Variants in TENM1 observed in about 807,000 individuals in gnomAD.
TENM1 encodes the protein teneurin-1.
TENM1 carries 35 observed loss-of-function variants against 174.8 expected under a neutral mutation model. The ratio of observed to expected loss-of-function variants is 0.20; its 90% CI spans 0.15 to 0.27. The LOEUF is 0.27. Ranked by LOEUF, TENM1 falls within the 10% of genes least tolerant of loss-of-function variation. The pLI, the probability that TENM1 is intolerant of heterozygous loss-of-function variation, is 1.00. For synonymous variants in TENM1, 781 were observed against 798.7 expected (o/e 0.98, Z 0.37); for missense variants, 1,633 against 2,130.1 (o/e 0.77, Z 4.59).
At chrX:125,126,450 A>T in the TENM1 span, among the ~76,000 whole-genome samples, 1 of 111,182 alleles carries the variant, frequency 9.0e-6, no homozygotes, top group Admixed American at 9.7e-5. Flanking sequence ...GAGCCTTTGA[A>T]GCATTTTATA....
At chrX:125,128,394 G>C in the TENM1 span, among the ~76,000 whole-genome samples, 3 of 111,687 alleles carry the variant, frequency 2.7e-5, no homozygotes, top group African/African-American at 9.8e-5. Flanking sequence ...TACCGATTTA[G>C]ATTACTATGA....
At chrX:124,789,995 C>T (rs1192955153) in intron 3 of TENM1, among the ~76,000 whole-genome samples, 7 of 112,247 alleles carry the variant, frequency 6.2e-5, no homozygotes, top group East Asian at 2.8e-4. Flanking sequence ...ATTGGACTTA[C>T]AGTTCCACAT....
At chrX:124,455,985 G>A (rs2061100927) in intron 22 of TENM1, among the ~76,000 whole-genome samples, 1 of 111,582 alleles carries the variant, frequency 9.0e-6, no homozygotes, top group Non-Finnish European at 1.9e-5. Context: ...CCATCAGAGT[G>A]CAAAGTTTAG....
At chrX:125,191,826 G>A in the TENM1 span, among the ~76,000 whole-genome samples, 1 of 112,010 alleles carries the variant, frequency 8.9e-6, no homozygotes, top group South Asian at 3.7e-4. Flanking sequence ...TAAACTTAAT[G>A]CCCAATGCAA....
At chrX:124,426,853 G>C (rs189421760) in intron 23 of TENM1, among the ~76,000 whole-genome samples, 1 of 111,982 alleles carries the variant, frequency 8.9e-6, no homozygotes, top group Non-Finnish European at 1.9e-5. Context: ...AGCAGTTTGC[G>C]GTGATGTGTT....
intron 11 of TENM1, among the ~76,000 whole-genome samples, chrX:124,628,420 A>G (rs976303190): frequency 9.0e-6 from 1 of 111,632 alleles, no homozygotes; most frequent in African/African-American, 3.2e-5. Context: ...ATTAAAAAGT[A>G]AAACAAAATT....
intron 5 of TENM1, among the ~76,000 whole-genome samples, chrX:124,703,587 A>G (rs1280337664): frequency 8.9e-6 from 1 of 112,153 alleles, no homozygotes; most frequent in Non-Finnish European, 1.9e-5. Flanking sequence ...AAAATAACCC[A>G]TATAAAAGTT....
chrX:124,972,748 T>A, the TENM1 span, among the ~76,000 whole-genome samples: 1 of 112,173 alleles, frequency 8.9e-6, no homozygotes, highest in Non-Finnish European at 1.9e-5. Context: ...GTACTGAATA[T>A]GGGACTTCTT....
the TENM1 span, among the ~76,000 whole-genome samples, chrX:124,970,510 A>G: frequency 8.9e-6 from 1 of 112,363 alleles, no homozygotes; most frequent in Non-Finnish European, 1.9e-5. Flanking sequence ...TGTATTTAGG[A>G]AGCTCTTAAA....
At chrX:124,606,835 T>C (rs182169211) in intron 11 of TENM1, among the ~76,000 whole-genome samples, 1 of 111,716 alleles carries the variant, frequency 9.0e-6, no homozygotes, top group East Asian at 2.8e-4. Context: ...GGATAACATA[T>C]ATTCTCACAG....
chrX:124,590,092 A>G (rs1453414046), intron 11 of TENM1, among the ~76,000 whole-genome samples: 2 of 111,802 alleles, frequency 1.8e-5, no homozygotes, highest in African/African-American at 6.5e-5. Context: ...CATCTTAGAG[A>G]TTTGGGTATG....
chrX:124,525,875 G>T (rs1363322652), intron 16 of TENM1, among the ~76,000 whole-genome samples: 2 of 111,892 alleles, frequency 1.8e-5, no homozygotes, highest in Non-Finnish European at 3.8e-5. Context: ...GCATATAGTA[G>T]GAACTCAACA....
exon 18 of TENM1, chrX:124,520,676 T>C (rs761435088): frequency 1.7e-6 from 2 of 1,210,541 alleles, no homozygotes; most frequent in Non-Finnish European, 2.2e-6. Flanking sequence ...ACAGGAATCG[T>C]TGAATGTGTC....
the TENM1 span, among the ~76,000 whole-genome samples, chrX:125,052,477 A>C: frequency 9.0e-6 from 1 of 111,596 alleles, no homozygotes; most frequent in East Asian, 2.8e-4. Flanking sequence ...GACACTTTAC[A>C]CTGAGGAGAG....
intron 3 of TENM1, among the ~76,000 whole-genome samples, chrX:124,878,373 T>C (rs2057245117): frequency 9.0e-6 from 1 of 110,499 alleles, no homozygotes; most frequent in South Asian, 4.0e-4. Flanking sequence ...ACTGATCATA[T>C]AGTTTTGCAT....
chrX:124,726,141 T>G (rs1233255125), intron 4 of TENM1, among the ~76,000 whole-genome samples: 3 of 112,733 alleles, frequency 2.7e-5, no homozygotes, highest in African/African-American at 9.7e-5. Context: ...ATTTTTAGAT[T>G]CACATTTGCA....
At chrX:124,948,813 TA>T (rs1162451340) in intron 1 of TENM1, among the ~76,000 whole-genome samples, 1 of 112,298 alleles carries the variant, frequency 8.9e-6, no homozygotes, top group Non-Finnish European at 1.9e-5. Context: ...CTTGGCCTCC[TA>T]AAATGCTGGG....
chrX:124,564,993 T>C (rs2048909350), intron 12 of TENM1, among the ~76,000 whole-genome samples: 1 of 111,643 alleles, frequency 9.0e-6, no homozygotes, highest in African/African-American at 3.3e-5. Flanking sequence ...CTCTAAGTGC[T>C]TTCAACTGAA....
the TENM1 span, among the ~76,000 whole-genome samples, chrX:125,126,551 T>C: frequency 9.0e-6 from 1 of 111,002 alleles, no homozygotes; most frequent in African/African-American, 3.3e-5. Context: ...GGGGGAACAT[T>C]AATAGTGTTA....
Sources: gnomAD v4.1 joint callset for allele counts (sites outside exome capture counted in the v4.1 genomes callset) on GRCh38, gnomAD v4.1.1 for gene constraint, MANE v1.5 for transcripts, NCBI Gene and HGNC (gene_info 2026-07-23, HGNC 2026-07-21) for gene names.